FLII: variants seen among roughly 807,000 people sequenced by gnomAD.
FLII encodes FLII actin remodeling protein.
In FLII, 101 loss-of-function variants were observed where a neutral mutation model predicts 156.2. The observed-to-expected ratio is 0.65, with a 90% CI of 0.55 to 0.76. FLII has a LOEUF of 0.76. FLII is among the 30% of genes least tolerant of loss of function. FLII has a pLI of 0.00. For missense variants in FLII, 1,675 were observed against 1,682.8 expected, an observed-to-expected ratio of 1.00 and a Z score of 0.08; for synonymous variants, 767 against 685.8, an observed-to-expected ratio of 1.12 and a Z score of -1.85.
chr17:18,254,423 G>GCACGGAGGGGTGCT lies in FLII; in HGVS notation c.575+97_575+98insAGCACCCCTCCGTG, dbSNP rs2048357144. ...TGCTGCCTGCACGGAGGGATGGCTG[G>GCACGGAGGGGTGCT]GCCTAAGGGAGAAGGGTTAGGGCCC... On this transcript the variant is annotated intron_variant, in intron 6 of 29. Coordinates refer to ENST00000327031, the MANE Select transcript of FLII (RefSeq NM_002018.4). The GCACGGAGGGGTGCT allele has an allele frequency of 3.2e-6, 4 of 1,253,316 alleles. No individual in the cohort carries two copies. In the South Asian group the frequency reaches 5.9e-5, roughly 19 times the overall value. 77.6% of individuals were successfully genotyped at this position (1,253,316 alleles called of 1,614,324 possible).
At chr17:18,249,529 C>A in intron 14 of FLII, 121 bp from the exon 15 acceptor site, 1 of 732,314 alleles carries the variant, frequency 1.4e-6, no homozygotes, top group Admixed American at 2.1e-5. Context: ...ATCTATGATG[C>A]CTGTAATCCC....
In FLII at chr17:18,247,354, A is replaced by G; in HGVS notation, c.2491T>C (p.Phe831Leu). 1 of 1,599,502 alleles carries G rather than the reference A, an allele frequency of 6.3e-7. No homozygotes were observed. The change falls in exon 21 of 30, where the codon TTC becomes CTC. Residue 831 changes from phenylalanine (F) to leucine (L), a missense_variant. Phe to Leu is a conservative substitution (Grantham distance 22, BLOSUM62 0). This residue lies in a region of FLII where 1,332 missense variants were observed against 1,269.3 expected (regional missense o/e 1.05). Transcript: ENST00000327031. The part of the protein sequence containing the change: ...RSLEGTEAQV[F>L]KAKFKNWDDV... Reference sequence around the variant, plus strand: ...TCCCAATTCTTGAACTTGGCCTTGAACACCTGCCAGGGAGGCCATCAACTA... The same window carrying G: ...TCCCAATTCTTGAACTTGGCCTTGAGCACCTGCCAGGGAGGCCATCAACTA...
chr17:18,250,569 C>T (rs1013501450), intron 14 of FLII, among the ~76,000 whole-genome samples: 1 of 152,214 alleles, frequency 6.6e-6, no homozygotes, highest in Non-Finnish European at 1.5e-5. Flanking sequence ...ACTGGTCTAG[C>T]TCCCATGCCC....
In FLII at chr17:18,253,311, T is replaced by C; in HGVS notation, c.1003A>G (p.Ser335Gly). ...ANNNLELVPESLCRCPKLRKL... is the reference protein window; with the variant it reads ...ANNNLELVPEGLCRCPKLRKL... ...AGCCCTGCCCAGCACCTGCAGAGAC[T>C]TTCAGGGACCAGCTCCAGGTTGTTG... The change falls in exon 9 of 30, where the codon AGT (serine) becomes GGT (glycine). Residue 335 changes from serine (S) to glycine (G), a missense_variant. Around this residue, in one of 2 missense-constraint regions of FLII, gnomAD observed 1,332 missense variants for 1,269.3 expected, o/e 1.05. Transcript: ENST00000327031. The C allele has an allele frequency of 6.2e-7, 1 of 1,613,854 alleles. No individual in the cohort carries two copies.
upstream of FLII, chr17:18,258,795 G>T: frequency 1.6e-6 from 1 of 637,240 alleles, no homozygotes; most frequent in Non-Finnish European, 2.1e-6. This position sits in a 1 kb window ranked among gnomAD's most constrained non-coding sequence, Gnocchi z 4.2. Context: ...CCTTTAACCC[G>T]CCCGCGCCCG....
In FLII at chr17:18,248,879, C is replaced by G. The variant is rs752392033; in HGVS notation, c.1939G>C (p.Val647Leu). The change falls in exon 17 of 30, where the codon GTT becomes CTT. Residue 647 changes from valine (V) to leucine (L), a missense_variant. Val to Leu is a conservative substitution (Grantham distance 32, BLOSUM62 1). Around this residue, in one of 2 missense-constraint regions of FLII, gnomAD observed 1,332 missense variants for 1,269.3 expected, o/e 1.05. Transcript: ENST00000327031. ...TCTAGCCCTCGGTCCAGCAGGAAAA[C>G]AAACCTGGACAAGAAGGGGCAGGAA... ...LKGTSLDPRF[V>L]FLLDRGLDIY... The G allele has an allele frequency of 1.7e-5, 27 of 1,613,696 alleles. No individual in the cohort carries two copies. The highest frequency in any genetic ancestry group is 2.3e-5 in the Non-Finnish European group (27 of 1,179,708).
intron 21 of FLII, 44 bp downstream of exon 21, chr17:18,247,125 C>A: frequency 1.4e-6 from 1 of 732,322 alleles, no homozygotes. Context: ...CTCGGCCTGC[C>A]CCCCACCCCC....
chr17:18,248,113 G>T, intron 18 of FLII, 80 bp from the exon 19 acceptor site: 1 of 916,172 alleles, frequency 1.1e-6, no homozygotes. Context: ...TCTGGAACCA[G>T]CCCTGCCCTG....
Position 18,245,451 on chromosome 17 carries a change from T to G in FLII, c.3610-32A>C, listed in dbSNP as rs780493463. The G allele has an allele frequency of 1.9e-6, 3 of 1,613,462 alleles. No individual in the cohort carries two copies. The East Asian group carries it at 6.7e-5, about 36-fold the overall frequency. The stretch of plus-strand genomic sequence containing the variant: ...GGGCAGCAGGGGAGATACGGTTGCA[T>G]GGGTGCCTGGGAACAGCCCCTTGCT... On this transcript the variant is annotated intron_variant, in intron 28 of 29. Coordinates refer to ENST00000327031, the MANE Select transcript of FLII (RefSeq NM_002018.4).
At chr17:18,248,767 C>T (rs761921285) in intron 17 of FLII, 33 bp downstream of exon 17, 23 of 1,613,922 alleles carry the variant, frequency 1.4e-5, no homozygotes, top group Non-Finnish European at 1.9e-5. Context: ...CACCCCTTTC[C>T]TTCACACAAA....
At position 18,247,920 on chromosome 17, in the gene FLII, A is replaced by G. The variant is rs768833563; in HGVS notation, c.2295+9T>C. The G allele has an allele frequency of 1.9e-6, 3 of 1,613,514 alleles. No homozygotes were observed. The highest frequency in any genetic ancestry group is 2.2e-5 in the East Asian group (1 of 44,888). On this transcript the variant is annotated intron_variant, in intron 19 of 29. Transcript: ENST00000327031. ...ATCTGGCCCCACGCCCTCCTCCTGC[A>G]TCTCTTACCAGCCGCATTCTTGGCA...
intron 12 of FLII, 27 bp downstream of exon 12, chr17:18,251,653 C>T (rs377355959): frequency 2.5e-6 from 4 of 1,613,592 alleles, no homozygotes; most frequent in Non-Finnish European, 3.4e-6. Flanking sequence ...AGGCTCCCTG[C>T]CTTGTCCCAA....
At chr17:18,256,125 G>C (rs545144383) in intron 3 of FLII, among the ~76,000 whole-genome samples, 1 of 152,314 alleles carries the variant, frequency 6.6e-6, no homozygotes, top group African/African-American at 2.4e-5. Flanking sequence ...CCACTGCCTG[G>C]CTCTGTGACC....
In FLII at chr17:18,247,700, C is replaced by T. The variant is rs2048126222; in HGVS notation, c.2444G>A (p.Arg815His). 5 of 1,600,384 alleles carry T rather than the reference C, an allele frequency of 3.1e-6. No homozygotes were observed. The highest frequency in any genetic ancestry group is 3.4e-6 in the Non-Finnish European group (4 of 1,178,300). The change falls in exon 20 of 30, where the codon CGC becomes CAC. Residue 815 changes from arginine (R) to histidine (H), a missense_variant. This residue lies in a region of FLII where 1,332 missense variants were observed against 1,269.3 expected (regional missense o/e 1.05). Transcript: ENST00000327031. ...QELCGMLHRP[R>H]HATVSRSLEG... ...GAGGCTGCGGCTGACCGTGGCATGGCGTGGCCGGTGCAGCATCCCGCACAG... is the reference window on the plus strand; with the variant it reads ...GAGGCTGCGGCTGACCGTGGCATGGTGTGGCCGGTGCAGCATCCCGCACAG...
intron 7 of FLII, 130 bp from the exon 8 acceptor site, chr17:18,253,849 C>A (rs1327209393): frequency 2.1e-6 from 2 of 966,362 alleles, no homozygotes; most frequent in African/African-American, 1.6e-5. Flanking sequence ...TGCTGTGCGC[C>A]CAAGTTTCTC....
intron 18 of FLII, among the ~76,000 whole-genome samples, 164 bp from the exon 19 acceptor site, chr17:18,248,197 C>T (rs892620798): frequency 3.3e-5 from 5 of 152,196 alleles, no homozygotes; most frequent in Non-Finnish European, 5.9e-5. Flanking sequence ...TTCAGAAGGG[C>T]TTTTAAATGG....
At chr17:18,246,568 CG>C (rs1567705429) in intron 23 of FLII, 25 bp downstream of exon 23, 1 of 1,612,738 alleles carries the variant, frequency 6.2e-7, no homozygotes, top group African/African-American at 1.3e-5. Context: ...CGCCTGGCCT[CG>C]GGCTCGCGGG....
chr17:18,247,683 G>C lies in FLII; in HGVS notation c.2461C>G (p.Arg821Gly). ...TGCGCCTCGGTGCCCTCGAGGCTGC[G>C]GCTGACCGTGGCATGGCGTGGCCGG... ...LHRPRHATVS[R>G]SLEGTEAQVF... is the part of the protein sequence containing the mutation. Residue 821 changes from arginine (R) to glycine (G), a missense_variant, in exon 20 of 30, where the codon CGC becomes GGC. Arg to Gly is a moderately radical substitution (Grantham distance 125). This residue lies in a region of FLII where 1,332 missense variants were observed against 1,269.3 expected (regional missense o/e 1.05). Coordinates refer to ENST00000327031, the MANE Select transcript of FLII (RefSeq NM_002018.4). The C allele has an allele frequency of 6.3e-7, 1 of 1,597,510 alleles. No individual in the cohort carries two copies. Among genetic ancestry groups the C allele is most frequent in the Middle Eastern group, 1.7e-4 (1 of 5,854 alleles).
At chr17:18,258,914 G>T, upstream of FLII, 1 of 273,416 alleles carries the variant, frequency 3.7e-6, no homozygotes, top group Non-Finnish European at 6.8e-6. The surrounding 1 kb of genome is among the most constrained non-coding windows in gnomAD (Gnocchi z 4.2). Context: ...CTGTGCTGGA[G>T]TTGGAGGCTT....
Sources: allele counts gnomAD v4.1 joint callset (sites outside exome capture counted in the v4.1 genomes callset), GRCh38; gene constraint gnomAD v4.1.1; regional missense constraint gnomAD v4.1.1; non-coding constraint Gnocchi (gnomAD v3.1); transcripts MANE v1.5; gene names NCBI Gene and HGNC (gene_info 2026-07-23, HGNC 2026-07-21).